GABRG3: variants seen among roughly 807,000 people sequenced by gnomAD.
GABRG3 encodes the protein gamma-aminobutyric acid type A receptor subunit gamma3.
GABRG3 carries 25 observed loss-of-function variants against 48.8 expected under a neutral mutation model. The ratio of observed to expected loss-of-function variants is 0.51; its 90% confidence interval spans 0.37 to 0.72. The LOEUF is 0.72. Ranked by LOEUF, GABRG3 falls within the 30% of genes least tolerant of loss-of-function variation. The pLI is 0.00. For missense variants in GABRG3, 394 were observed against 577.9 expected (o/e 0.68, Z 3.26); for synonymous variants, 227 against 217.6 (o/e 1.04, Z -0.38).
intron 2 of GABRG3, among the ~76,000 whole-genome samples, chr15:26,992,047 G>C (rs1895259434): frequency 6.6e-6 from 1 of 152,068 alleles, no homozygotes; most frequent in Non-Finnish European, 1.5e-5. Context: ...TTGTTCACTT[G>C]GCATATAGAG....
chr15:27,315,752 C>G (rs1374456062), intron 3 of GABRG3, among the ~76,000 whole-genome samples: 1 of 152,166 alleles, frequency 6.6e-6, no homozygotes, highest in Non-Finnish European at 1.5e-5. Context: ...TACAACTGTT[C>G]ACACTTTGCA....
intron 2 of GABRG3, among the ~76,000 whole-genome samples, chr15:27,003,355 C>T (rs1206944731): frequency 1.3e-5 from 2 of 151,638 alleles, no homozygotes; most frequent in Non-Finnish European, 3.0e-5. Flanking sequence ...TTTTCCTAGG[C>T]AGAGGTCCCT....
At chr15:27,377,343 G>A (rs966958948) in intron 5 of GABRG3, among the ~76,000 whole-genome samples, 18 of 152,176 alleles carry the variant, frequency 1.2e-4, no homozygotes, top group South Asian at 2.1e-4. Context: ...TCACTTCCAC[G>A]TTTTCGGGTA....
At chr15:27,222,486 A>G (rs1889484639) in intron 3 of GABRG3, among the ~76,000 whole-genome samples, 3 of 152,200 alleles carry the variant, frequency 2.0e-5, no homozygotes. Flanking sequence ...CTTATTTTCT[A>G]AAGTGAATTA....
chr15:27,004,277 G>A (rs996243091), intron 2 of GABRG3, among the ~76,000 whole-genome samples: 17 of 151,890 alleles, frequency 1.1e-4, no homozygotes, highest in African/African-American at 2.7e-4. Flanking sequence ...CAGACGGGGC[G>A]GCCGGGCAGA....
At chr15:27,436,645 G>A (rs549977009) in intron 5 of GABRG3, among the ~76,000 whole-genome samples, 1 of 152,314 alleles carries the variant, frequency 6.6e-6, no homozygotes, top group South Asian at 2.1e-4. Flanking sequence ...GGCTGGAAGA[G>A]TCTGAAGGAA....
At chr15:27,421,373 A>G (rs894122484) in intron 5 of GABRG3, among the ~76,000 whole-genome samples, 1 of 152,268 alleles carries the variant, frequency 6.6e-6, no homozygotes, top group African/African-American at 2.4e-5. Context: ...TAACCTATAC[A>G]ATATTCCCCA....
chr15:27,329,683 A>G (rs943995749), intron 5 of GABRG3, among the ~76,000 whole-genome samples: 40 of 152,236 alleles, frequency 2.6e-4, no homozygotes, highest in African/African-American at 9.6e-4. Flanking sequence ...AATTTTTCGT[A>G]GTATTTTATC....
chr15:27,003,618 ACTT>A (rs1210213673), intron 2 of GABRG3, among the ~76,000 whole-genome samples: 4 of 152,184 alleles, frequency 2.6e-5, no homozygotes, highest in Non-Finnish European at 5.9e-5. Context: ...TGCCATGTAT[ACTT>A]CTTTCTACAC....
At chr15:27,246,066 C>T (rs1025676240) in intron 3 of GABRG3, among the ~76,000 whole-genome samples, 3 of 152,030 alleles carry the variant, frequency 2.0e-5, no homozygotes, top group Non-Finnish European at 4.4e-5. Flanking sequence ...CACGTGGACT[C>T]ATCACTGCCA....
In GABRG3 at chr15:27,527,416, A is replaced by AC; in HGVS notation, c.866-14dup. On this transcript the variant is annotated splice_polypyrimidine_tract_variant and intron_variant, in intron 7 of 9. Coordinates refer to ENST00000615808, the MANE Select transcript of GABRG3 (RefSeq NM_033223.5). ...GTGTTGCACCCTTTTACAACATGCT[A>AC]CCCGTCCCCTGTTCAGGCATCACCA... 5 of 1,609,646 alleles carry AC rather than the reference A, an allele frequency of 3.1e-6. No homozygotes were observed. The highest frequency in any genetic ancestry group is 3.4e-6 in the Non-Finnish European group (4 of 1,177,484).
At chr15:27,282,957 C>T (rs954855373) in intron 3 of GABRG3, among the ~76,000 whole-genome samples, 5 of 152,036 alleles carry the variant, frequency 3.3e-5, no homozygotes, top group South Asian at 2.1e-4. Flanking sequence ...TTCAGGCTAC[C>T]CTTGGCTCCC....
chr15:27,442,585 C>T (rs535767095), intron 5 of GABRG3, among the ~76,000 whole-genome samples: 1 of 152,322 alleles, frequency 6.6e-6, no homozygotes, highest in Admixed American at 6.5e-5. Flanking sequence ...ACCAGGCACC[C>T]TGGCAGCTAG....
At chr15:27,205,824 C>T (rs1302686158) in intron 3 of GABRG3, among the ~76,000 whole-genome samples, 1 of 151,646 alleles carries the variant, frequency 6.6e-6, no homozygotes, top group Non-Finnish European at 1.5e-5. Flanking sequence ...AGGAATTTAT[C>T]AATTTCTTCT....
At chr15:27,062,951 T>C (rs758297761) in intron 3 of GABRG3, among the ~76,000 whole-genome samples, 4 of 152,240 alleles carry the variant, frequency 2.6e-5, no homozygotes, top group Non-Finnish European at 4.4e-5. Context: ...TTGGCACTAA[T>C]ATCTGCTGAT....
chr15:27,238,928 A>T (rs1190604621), intron 3 of GABRG3, among the ~76,000 whole-genome samples: 1 of 152,226 alleles, frequency 6.6e-6, no homozygotes, highest in Non-Finnish European at 1.5e-5. Context: ...CCCAACAAAC[A>T]AAATAAACAA....
intron 5 of GABRG3, among the ~76,000 whole-genome samples, chr15:27,431,247 A>G (rs1416762444): frequency 6.6e-6 from 1 of 152,056 alleles, no homozygotes; most frequent in Non-Finnish European, 1.5e-5. Context: ...GAACTTTGGA[A>G]TAAGATTTCC....
intron 3 of GABRG3, among the ~76,000 whole-genome samples, chr15:27,221,895 T>C (rs1246343900): frequency 6.6e-6 from 1 of 152,216 alleles, no homozygotes; most frequent in East Asian, 1.9e-4. Flanking sequence ...AGCCATGCAC[T>C]AGGAGTTTGT....
At chr15:27,070,565 A>G (rs1168613951) in intron 3 of GABRG3, among the ~76,000 whole-genome samples, 2 of 152,216 alleles carry the variant, frequency 1.3e-5, no homozygotes, top group Non-Finnish European at 2.9e-5. Context: ...TTGGAAGAAT[A>G]TTTGGTCAGT....
Sources: gnomAD v4.1 joint callset for allele counts (sites outside exome capture counted in the v4.1 genomes callset) on GRCh38, gnomAD v4.1.1 for gene constraint, MANE v1.5 for transcripts, NCBI Gene and HGNC (gene_info 2026-07-23, HGNC 2026-07-21) for gene names.